The following CAMSAP1 variants were observed in gnomAD, a reference collection of about 807,000 sequenced individuals.
CAMSAP1 encodes calmodulin regulated spectrin associated protein 1.
CAMSAP1 carries 58 observed loss-of-function variants against 143.5 expected under a neutral mutation model. That is an observed-to-expected ratio of 0.40 (90% CI 0.33 to 0.50). The LOEUF (loss-of-function observed/expected upper bound fraction) is 0.50, where lower values mean the gene tolerates loss of function less well. Among genes scored for constraint, CAMSAP1 ranks in the 20% least tolerant of loss-of-function variants. The pLI, the probability that CAMSAP1 is intolerant of heterozygous loss-of-function variation, is 0.45. For missense variants in CAMSAP1, 1,969 were observed against 2,115.7 expected (o/e 0.93, Z 1.36); for synonymous variants, 945 against 859.3 (o/e 1.10, Z -1.74).
intron 1 of CAMSAP1, among the ~76,000 whole-genome samples, chr9:135,887,286 G>C (rs1194390421): frequency 6.6e-6 from 1 of 152,200 alleles, no homozygotes; most frequent in Admixed American, 6.5e-5. Flanking sequence ...TGAAGGGGCA[G>C]TGTGCACCAA....
Position 135,854,841 on chromosome 9 carries a change from T to C in CAMSAP1, c.809-4380A>G, listed in dbSNP as rs185375167. On this transcript the variant is annotated intron_variant, in intron 5 of 16. Transcript: ENST00000389532. ...CATAGGTAACCTCATGCCACGGGGG[T>C]TTGTTGTACAAATTATTTCATCACC... 4.1e-4 allele frequency among the ~76,000 whole-genome samples: 62 copies of C among 151,988 alleles called. 1 individual carries two copies. The East Asian group carries it at 5.6e-3, about 14-fold the overall frequency.
chr9:135,855,020 T>C (rs568660620), intron 5 of CAMSAP1, among the ~76,000 whole-genome samples: 1 of 151,868 alleles, frequency 6.6e-6, no homozygotes, highest in African/African-American at 2.4e-5. Context: ...GAGATGGAGC[T>C]TCACTCTGTC....
chr9:135,811,570 A>G lies in CAMSAP1; in HGVS notation c.4548T>C (p.Phe1516=). 2.5e-6 allele frequency: 4 copies of G among 1,599,846 alleles called. No homozygotes were observed. The highest frequency in any genetic ancestry group is 1.7e-4 in the Middle Eastern group (1 of 6,050). ...CCCTGAACTGGCAGCCAGCATCACG[A>G]AACAGTATGATGTAGTGATTGGCAT... ...KCDANHYIIL[F]RDAGCQFRAL... The change falls in exon 17 of 17, where the codon TTT becomes TTC. Residue 1516 remains phenylalanine, a synonymous_variant. Coordinates refer to ENST00000389532, the MANE Select transcript of CAMSAP1 (RefSeq NM_015447.4). This position sits in a 1 kb window ranked among gnomAD's most constrained non-coding sequence, Gnocchi z 4.9.
chr9:135,864,967 C>A (rs1271939969), intron 4 of CAMSAP1, among the ~76,000 whole-genome samples: 2 of 152,192 alleles, frequency 1.3e-5, no homozygotes, highest in African/African-American at 4.8e-5. Flanking sequence ...ACATTACATA[C>A]CACAGTCAGG....
Position 135,835,472 on chromosome 9 carries a change from G to A in CAMSAP1, c.1046-7888C>T, listed in dbSNP as rs1165384715. 3.3e-5 allele frequency among the ~76,000 whole-genome samples: 5 copies of A among 152,224 alleles called. 1 individual carries two copies. In the South Asian group the frequency reaches 8.3e-4, roughly 25 times the overall value. ...ATTATGGTGAATGGCAAGGCTGGAGGGGCGGCCATGGGGCCTGGTCAGCAG... is the reference window on the plus strand; with the variant it reads ...ATTATGGTGAATGGCAAGGCTGGAGAGGCGGCCATGGGGCCTGGTCAGCAG... On this transcript the variant is annotated intron_variant, in intron 7 of 16. Transcript: ENST00000389532.
chr9:135,855,206 A>G lies in CAMSAP1; in HGVS notation c.809-4745T>C, dbSNP rs1487433913. The stretch of plus-strand genomic sequence containing the variant: ...AGGGTTTCACCTTGTTGGCCAGGCT[A>G]GTCTTGAACTCCTGACCTCTGGTGA... On this transcript the variant is annotated intron_variant, in intron 5 of 16. Coordinates refer to ENST00000389532, the MANE Select transcript of CAMSAP1 (RefSeq NM_015447.4). 2.6e-5 allele frequency among the ~76,000 whole-genome samples: 4 copies of G among 151,584 alleles called. No individual in the cohort carries two copies. The South Asian group carries it at 8.4e-4, about 32-fold the overall frequency.
intron 1 of CAMSAP1, among the ~76,000 whole-genome samples, chr9:135,885,775 T>C (rs1328957471): frequency 6.6e-6 from 1 of 151,952 alleles, no homozygotes. Context: ...TGCAGGAAAA[T>C]GAGAGTTAAA....
At position 135,811,702 on chromosome 9, in the gene CAMSAP1, C is replaced by T. The variant is rs780843193; in HGVS notation, c.4507-91G>A. On this transcript the variant is annotated intron_variant, in intron 16 of 16. Coordinates refer to ENST00000389532, the MANE Select transcript of CAMSAP1 (RefSeq NM_015447.4). The surrounding 1 kb of genome is among the most constrained non-coding windows in gnomAD (Gnocchi z 4.9). ...GCTCCCACAGCGGCTCAACCAGCAC[C>T]GCTCCGTGGGAAGCTCTCCCACCCG... is the stretch of plus-strand genomic sequence containing the variant. 55 of 1,278,662 alleles carry T rather than the reference C, an allele frequency of 4.3e-5. No individual in the cohort carries two copies. Among genetic ancestry groups the T allele is most frequent in the South Asian group, 1.3e-4 (9 of 69,568 alleles). 79.2% of individuals were successfully genotyped at this position (1,278,662 alleles called of 1,614,324 possible). A position where few individuals can be genotyped will look rare whatever the true frequency, so the allele number is the denominator to read the frequency against.
intron 3 of CAMSAP1, among the ~76,000 whole-genome samples, chr9:135,881,418 T>C (rs1837944587): frequency 6.6e-6 from 1 of 151,850 alleles, no homozygotes; most frequent in Non-Finnish European, 1.5e-5. Context: ...TTTTCAGATA[T>C]AAATTCATCA....
intron 1 of CAMSAP1, among the ~76,000 whole-genome samples, chr9:135,904,013 T>C (rs1838692692): frequency 6.6e-6 from 1 of 152,132 alleles, no homozygotes; most frequent in Non-Finnish European, 1.5e-5. Context: ...AGTATTTCGG[T>C]CATCTGAATT....
At chr9:135,866,604 C>A (rs933115182) in intron 3 of CAMSAP1, 68 bp from the exon 4 acceptor site, 31 of 745,510 alleles carry the variant, frequency 4.2e-5, no homozygotes, top group African/African-American at 7.0e-5. Flanking sequence ...CCACAATTAT[C>A]CCCCAGAGAC....
Position 135,811,303 on chromosome 9 carries a change from C to T in CAMSAP1, c.*6G>A, listed in dbSNP as rs1269510812. ...GGTCACCCTTTGGACGCCAGCTGCA[C>T]CGGGGTCATTTACGAGTCTGGGCCT... On this transcript the variant is annotated 3_prime_UTR_variant, in exon 17 of 17. Coordinates refer to ENST00000389532, the MANE Select transcript of CAMSAP1 (RefSeq NM_015447.4). The surrounding 1 kb of genome is among the most constrained non-coding windows in gnomAD (Gnocchi z 4.9). 5 of 1,610,514 alleles carry T rather than the reference C, an allele frequency of 3.1e-6. No individual in the cohort carries two copies. The highest frequency in any genetic ancestry group is 1.3e-5 in the African/African-American group (1 of 74,856).
In CAMSAP1 at chr9:135,811,621, G is replaced by A. The variant is rs1472328087; in HGVS notation, c.4507-10C>T. 3.8e-6 allele frequency: 6 copies of A among 1,571,828 alleles called. No homozygotes were observed. The African/African-American group carries it at 4.1e-5, about 11-fold the overall frequency. ...CACACTTCTCCAGCTCCTGTGCAGAGAGAGAAAAGGGGAAGAGACAAACAC... is the reference window on the plus strand; with the variant it reads ...CACACTTCTCCAGCTCCTGTGCAGAAAGAGAAAAGGGGAAGAGACAAACAC... On this transcript the variant is annotated splice_polypyrimidine_tract_variant and intron_variant, in intron 16 of 16. Coordinates refer to ENST00000389532, the MANE Select transcript of CAMSAP1 (RefSeq NM_015447.4). This position sits in a 1 kb window ranked among gnomAD's most constrained non-coding sequence, Gnocchi z 4.9.
intron 7 of CAMSAP1, among the ~76,000 whole-genome samples, chr9:135,827,894 C>T (rs1490333138): frequency 6.6e-6 from 1 of 152,238 alleles, no homozygotes; most frequent in Non-Finnish European, 1.5e-5. Flanking sequence ...CACTGGTGGG[C>T]TGCTTCCAAA....
Position 135,836,282 on chromosome 9 carries a change from T to A in CAMSAP1, c.1046-8698A>T, listed in dbSNP as rs906328726. On this transcript the variant is annotated intron_variant, in intron 7 of 16. Coordinates refer to ENST00000389532, the MANE Select transcript of CAMSAP1 (RefSeq NM_015447.4). ...CCTTTACCCATTCCGCAGCCACACA[T>A]CACCACGTACCTTCTACCCTGTTCT... 10 of 982,784 alleles carry A rather than the reference T, an allele frequency of 1.0e-5. No homozygotes were observed. In the African/African-American group the frequency reaches 1.8e-4, roughly 17 times the overall value. 60.9% of individuals were successfully genotyped at this position (982,784 alleles called of 1,614,324 possible). A position where few individuals can be genotyped will look rare whatever the true frequency, so the allele number is the denominator to read the frequency against.
chr9:135,830,879 A>G (rs1393331873), intron 7 of CAMSAP1, among the ~76,000 whole-genome samples: 1 of 152,230 alleles, frequency 6.6e-6, no homozygotes, highest in Non-Finnish European at 1.5e-5. Flanking sequence ...AAAATTAATT[A>G]CAGCAAGAAG....
intron 3 of CAMSAP1, among the ~76,000 whole-genome samples, chr9:135,869,457 C>T (rs549359744): frequency 2.0e-5 from 3 of 151,308 alleles, no homozygotes; most frequent in Admixed American, 2.0e-4. Context: ...GAGCCACGAC[C>T]GCACCACTGC....
intron 1 of CAMSAP1, among the ~76,000 whole-genome samples, chr9:135,886,805 C>A (rs936821273): frequency 6.6e-6 from 1 of 152,232 alleles, no homozygotes; most frequent in Non-Finnish European, 1.5e-5. Context: ...CACAGGCAGG[C>A]AGCCCCGGGA....
chr9:135,818,102 A>T lies in CAMSAP1; in HGVS notation c.4169-23T>A. 2 of 1,609,898 alleles carry T rather than the reference A, an allele frequency of 1.2e-6. No homozygotes were observed. Among genetic ancestry groups the T allele is most frequent in the Non-Finnish European group, 1.7e-6 (2 of 1,176,792 alleles). On this transcript the variant is annotated intron_variant, in intron 13 of 16. Coordinates refer to ENST00000389532, the MANE Select transcript of CAMSAP1 (RefSeq NM_015447.4). The surrounding 1 kb of genome is among the most constrained non-coding windows in gnomAD (Gnocchi z 7.7). ...CAGCTGCCAGAGACAGAAACAGACG[A>T]CGGTTCATGAACGGATTCCGACAGA... is the stretch of plus-strand genomic sequence containing the variant.
Sources: allele counts gnomAD v4.1 joint callset (sites outside exome capture counted in the v4.1 genomes callset), GRCh38; gene constraint gnomAD v4.1.1; non-coding constraint Gnocchi (gnomAD v3.1); transcripts MANE v1.5; gene names NCBI Gene and HGNC (gene_info 2026-07-23, HGNC 2026-07-21).